ARHGAP28: variants seen among roughly 807,000 people sequenced by gnomAD.
ARHGAP28 encodes Rho GTPase activating protein 28.
In ARHGAP28, 56 loss-of-function variants were observed where a neutral mutation model predicts 90.7. That is an observed-to-expected ratio of 0.62 (90% CI 0.50 to 0.77). The LOEUF (loss-of-function observed/expected upper bound fraction) is 0.77, where lower values mean the gene tolerates loss of function less well. Among genes scored for constraint, ARHGAP28 ranks in the 30% least tolerant of loss-of-function variants. The pLI, the probability that ARHGAP28 is intolerant of heterozygous loss-of-function variation, is 0.00. For missense variants in ARHGAP28, 869 were observed against 900.9 expected, an observed-to-expected ratio of 0.96 and a Z score of 0.45; for synonymous variants, 308 against 323.3, an observed-to-expected ratio of 0.95 and a Z score of 0.51.
At chr18:6,758,235 T>G (rs562898596) in intron 1 of ARHGAP28, among the ~76,000 whole-genome samples, 1 of 152,156 alleles carries the variant, frequency 6.6e-6, no homozygotes, top group South Asian at 2.1e-4. Flanking sequence ...GAGCAATGGG[T>G]GAGGGGCCGG....
chr18:6,814,541 A>G (rs1055032777), intron 1 of ARHGAP28, among the ~76,000 whole-genome samples: 2 of 152,212 alleles, frequency 1.3e-5, no homozygotes, highest in African/African-American at 2.4e-5. Flanking sequence ...CCAGAGATTT[A>G]GAAGAAACAG....
intron 6 of ARHGAP28, among the ~76,000 whole-genome samples, chr18:6,868,523 GTTTCCCAAGT>G (rs2057056004): frequency 6.6e-6 from 1 of 152,098 alleles, no homozygotes; most frequent in Non-Finnish European, 1.5e-5. Context: ...TTTAAAGGCT[GTTTCCCAAGT>G]GATGTGGTCT....
At chr18:6,848,643 G>A (rs2056884775) in intron 3 of ARHGAP28, among the ~76,000 whole-genome samples, 1 of 152,214 alleles carries the variant, frequency 6.6e-6, no homozygotes. Context: ...ATCGGCCAAA[G>A]GGGAACATTA....
chr18:6,867,712 C>T (rs904608375), intron 5 of ARHGAP28, among the ~76,000 whole-genome samples: 1 of 151,804 alleles, frequency 6.6e-6, no homozygotes, highest in Admixed American at 6.6e-5. Context: ...GTTATATTAA[C>T]AATATAATTA....
At chr18:6,763,081 GTTGTTTGT>G (rs57953826) in intron 1 of ARHGAP28, among the ~76,000 whole-genome samples, 7 of 151,570 alleles carry the variant, frequency 4.6e-5, no homozygotes, top group Admixed American at 2.0e-4. Context: ...GAGAGGGATG[GTTGTTTGT>G]TTGTTTGTTT....
chr18:6,911,984 C>A, intron 17 of ARHGAP28, 76 bp from the exon 18 acceptor site: 3 of 905,358 alleles, frequency 3.3e-6, no homozygotes, highest in East Asian at 5.2e-5. Context: ...CTCACAAACA[C>A]ACACAGACAC....
chr18:6,911,944 C>A (rs1471394046), intron 17 of ARHGAP28, 116 bp from the exon 18 acceptor site: 5 of 506,774 alleles, frequency 9.9e-6, no homozygotes, highest in Non-Finnish European at 1.6e-5. Context: ...CTTACTTTGG[C>A]CAAGAAAACT....
In ARHGAP28 at chr18:6,749,904, T is replaced by C. The variant is rs746409483; in HGVS notation, c.122+19961T>C. On this transcript the variant is annotated intron_variant, in intron 1 of 17. Coordinates refer to ENST00000383472, the MANE Select transcript of ARHGAP28 (RefSeq NM_001366230.1). ...TAAAGTGTAGGTAGCTTCAAAAATA[T>C]ACCCTCAGTGTACATTTAAAGTTCA... Among the ~76,000 whole-genome samples, 4 of 152,178 alleles carry C rather than the reference T, an allele frequency of 2.6e-5. No homozygotes were observed. The East Asian group carries it at 7.7e-4, about 29-fold the overall frequency.
chr18:6,858,549 C>CT (rs11403300), intron 4 of ARHGAP28, among the ~76,000 whole-genome samples: 79,167 of 148,094 alleles, frequency 0.53, 21,687 homozygotes, highest in Non-Finnish European at 0.61. Flanking sequence ...AAATTTCTTT[C>CT]TTTTTTTTTT....
chr18:6,798,385 G>T (rs1055479007), intron 1 of ARHGAP28, among the ~76,000 whole-genome samples: 2 of 152,022 alleles, frequency 1.3e-5, no homozygotes, highest in Non-Finnish European at 2.9e-5. Context: ...GTAGAGACGG[G>T]GTTTTCCCAT....
chr18:6,840,189 A>G (rs2056794862), intron 3 of ARHGAP28, among the ~76,000 whole-genome samples: 1 of 152,184 alleles, frequency 6.6e-6, no homozygotes, highest in Admixed American at 6.5e-5. Context: ...AATTCTTCTG[A>G]AAACAAAAAT....
chr18:6,817,484 T>A (rs969916641), intron 1 of ARHGAP28, among the ~76,000 whole-genome samples: 37 of 152,270 alleles, frequency 2.4e-4, no homozygotes, highest in African/African-American at 8.7e-4. Flanking sequence ...CCAAATGACT[T>A]ATTAGAACAT....
chr18:6,812,275 C>T (rs563288779), intron 1 of ARHGAP28, among the ~76,000 whole-genome samples: 1 of 152,150 alleles, frequency 6.6e-6, no homozygotes, highest in Non-Finnish European at 1.5e-5. Context: ...TCCAATATAT[C>T]ACTTGGCTAG....
Position 6,838,816 on chromosome 18 carries a change from G to A in ARHGAP28, c.543+1402G>A, listed in dbSNP as rs566210710. 2.0e-5 allele frequency among the ~76,000 whole-genome samples: 3 copies of A among 152,270 alleles called. No homozygotes were observed. The East Asian group carries it at 5.8e-4, about 29-fold the overall frequency. On this transcript the variant is annotated intron_variant, in intron 3 of 17. Transcript: ENST00000383472. ...GTAAACCTGTGTCTTTCTGGATGGT[G>A]GGATTGTCTACAGCTGTAACTGAGT...
At chr18:6,859,964 G>T in intron 5 of ARHGAP28, 67 bp downstream of exon 5, 1 of 1,356,110 alleles carries the variant, frequency 7.4e-7, no homozygotes, top group South Asian at 1.2e-5. Flanking sequence ...ACTAATGTAG[G>T]AAGGTAAGAA....
chr18:6,833,264 C>T (rs148677140), intron 2 of ARHGAP28, among the ~76,000 whole-genome samples: 229 of 151,940 alleles, frequency 1.5e-3, no homozygotes, highest in African/African-American at 4.8e-3. Context: ...GAAAGCCATT[C>T]GCTGTATAAT....
chr18:6,861,857 TG>T (rs758719246), intron 5 of ARHGAP28, among the ~76,000 whole-genome samples: 2 of 152,230 alleles, frequency 1.3e-5, no homozygotes, highest in Non-Finnish European at 2.9e-5. Flanking sequence ...ATAGGCTTTT[TG>T]CAAGTTTGAG....
chr18:6,872,015 A>C (rs2057093657), intron 7 of ARHGAP28, among the ~76,000 whole-genome samples: 1 of 152,220 alleles, frequency 6.6e-6, no homozygotes, highest in Non-Finnish European at 1.5e-5. Context: ...AAGTGTGTCC[A>C]ACTTCAAAAC....
chr18:6,776,161 G>A (rs544742265), intron 1 of ARHGAP28, among the ~76,000 whole-genome samples: 10 of 152,094 alleles, frequency 6.6e-5, no homozygotes, highest in Non-Finnish European at 1.2e-4. Flanking sequence ...AGCTAAAATA[G>A]CCCCTGAGAT....
Sources: gnomAD v4.1 joint callset for allele counts (sites outside exome capture counted in the v4.1 genomes callset) on GRCh38, gnomAD v4.1.1 for gene constraint, MANE v1.5 for transcripts, NCBI Gene and HGNC (gene_info 2026-07-23, HGNC 2026-07-21) for gene names.